Variants in C3orf33 observed in about 807,000 individuals in gnomAD.
C3orf33 encodes the protein AP-1 activity suppressor.
Under a neutral mutation model 28.7 loss-of-function variants are expected in C3orf33, and 23 were observed. The ratio of observed to expected loss-of-function variants is 0.80; its 90% confidence interval spans 0.58 to 1.13. The LOEUF is 1.13. C3orf33 is among the 50% of genes most tolerant of loss of function. The probability of loss-of-function intolerance (pLI) is 0.00; values close to 1 mark genes in which losing one functional copy is unlikely to be tolerated. For synonymous variants in C3orf33, 119 were observed against 120.5 expected (o/e 0.99, Z 0.08); for missense variants, 327 against 353.4 (o/e 0.93, Z 0.60).
Position 155,804,692 on chromosome 3 carries a change from G to T in C3orf33, c.114+1447C>A, listed in dbSNP as rs148594134. On this transcript the variant is annotated intron_variant, in intron 1 of 4. Transcript: ENST00000340171. ...TTGCTGACCTCCTCTTTACTCCCCAGATTCTCAATGTTATAATCCCCCAAA... is the reference window on the plus strand; with the variant it reads ...TTGCTGACCTCCTCTTTACTCCCCATATTCTCAATGTTATAATCCCCCAAA... Among the ~76,000 whole-genome samples the T allele has an allele frequency of 3.1e-3, 474 of 152,204 alleles. 1 individual carries two copies. Among genetic ancestry groups the T allele is most frequent in the Non-Finnish European group, 5.6e-3 (380 of 68,008 alleles).
At chr3:155,801,575 A>G (rs1751651642) in intron 2 of C3orf33, among the ~76,000 whole-genome samples, 1 of 152,276 alleles carries the variant, frequency 6.6e-6, no homozygotes, top group South Asian at 2.1e-4. Flanking sequence ...ATGCAACAAC[A>G]TGGATGAATC....
intron 2 of C3orf33, among the ~76,000 whole-genome samples, chr3:155,790,199 A>G (rs1283376508): frequency 6.7e-6 from 1 of 148,464 alleles, no homozygotes; most frequent in Non-Finnish European, 1.5e-5. Context: ...ATTGGTGCTG[A>G]GAAAACGGAA....
At chr3:155,771,489 C>T (rs1007137320) in intron 3 of C3orf33, among the ~76,000 whole-genome samples, 1 of 152,026 alleles carries the variant, frequency 6.6e-6, no homozygotes, top group African/African-American at 2.4e-5. Context: ...ACCATGTAGG[C>T]CAGGCTGGAC....
At chr3:155,786,531 G>A (rs969521563) in intron 2 of C3orf33, among the ~76,000 whole-genome samples, 4 of 151,998 alleles carry the variant, frequency 2.6e-5, no homozygotes, top group African/African-American at 9.7e-5. Flanking sequence ...TAAATTCATA[G>A]AAACAAAAAA....
chr3:155,769,163 T>C (rs1270543517), intron 3 of C3orf33, among the ~76,000 whole-genome samples: 3 of 151,764 alleles, frequency 2.0e-5, no homozygotes, highest in African/African-American at 7.3e-5. Context: ...AAATACGAAA[T>C]TAGCCAGGCA....
At chr3:155,786,973 C>A (rs1431983369) in intron 2 of C3orf33, among the ~76,000 whole-genome samples, 1 of 152,202 alleles carries the variant, frequency 6.6e-6, no homozygotes, top group Non-Finnish European at 1.5e-5. Context: ...GATCTGACAG[C>A]ATCACTGGTC....
rs114139999 is a variant in C3orf33 at position 155,798,128 on chromosome 3, A to G, written c.174+4404T>C. 2.6e-4 allele frequency among the ~76,000 whole-genome samples: 39 copies of G among 152,212 alleles called. No homozygotes were observed. In the East Asian group the frequency reaches 6.8e-3, roughly 26 times the overall value. ...AATGAAATAAATTGAAAAGGGTACA[A>G]ACAATGAGAAAATTTTCCATGTTCA... On this transcript the variant is annotated intron_variant, in intron 2 of 4. Transcript: ENST00000340171.
intron 2 of C3orf33, among the ~76,000 whole-genome samples, chr3:155,795,925 C>T (rs1751463329): frequency 6.6e-6 from 1 of 152,066 alleles, no homozygotes; most frequent in African/African-American, 2.4e-5. Context: ...CACTGCACTC[C>T]AGCCTGGGCA....
chr3:155,780,901 A>G lies in C3orf33; in HGVS notation c.175-5053T>C, dbSNP rs1301725743. The stretch of plus-strand genomic sequence containing the variant: ...TATTTGGAGCTACAAAAGGCATCCT[A>G]TGCAATAAGAAAAGTCCAAAAAACT... On this transcript the variant is annotated intron_variant, in intron 2 of 4. Transcript: ENST00000340171. Among the ~76,000 whole-genome samples the G allele has an allele frequency of 2.6e-5, 4 of 152,292 alleles. 1 individual carries two copies. In the South Asian group the frequency reaches 8.3e-4, roughly 32 times the overall value.
At chr3:155,769,486 A>C (rs1485037458) in intron 3 of C3orf33, among the ~76,000 whole-genome samples, 2 of 115,256 alleles carry the variant, frequency 1.7e-5, no homozygotes, top group Admixed American at 7.9e-5. Context: ...AGACTGTTTC[A>C]AAAAAAAAAA....
chr3:155,794,689 A>C (rs1028277143), intron 2 of C3orf33, among the ~76,000 whole-genome samples: 6 of 152,138 alleles, frequency 3.9e-5, no homozygotes, highest in African/African-American at 1.4e-4. Flanking sequence ...AAATAGAAAA[A>C]GATACTCCAT....
chr3:155,783,624 G>A lies in C3orf33; in HGVS notation c.175-7776C>T, dbSNP rs148785874. ...TGGGACTACAGGCACACGCTGCCAC[G>A]CCTGGCTAAGTTTTTGTATTGTAGT... is the stretch of plus-strand genomic sequence containing the variant. On this transcript the variant is annotated intron_variant, in intron 2 of 4. Transcript: ENST00000340171. 4.1e-3 allele frequency among the ~76,000 whole-genome samples: 621 copies of A among 151,956 alleles called. 5 individuals are homozygous for A. Among genetic ancestry groups the A allele is most frequent in the African/African-American group, 0.014 (571 of 41,464 alleles).
At chr3:155,766,022 A>G (rs1704154582) in intron 4 of C3orf33, among the ~76,000 whole-genome samples, 1 of 152,212 alleles carries the variant, frequency 6.6e-6, no homozygotes, top group Admixed American at 6.5e-5. Flanking sequence ...AATGGTTAAA[A>G]TTCTAATCAT....
chr3:155,797,614 G>T lies in C3orf33; in HGVS notation c.174+4918C>A, dbSNP rs138992341. The stretch of plus-strand genomic sequence containing the variant: ...ATAAATAAATTCAGTACAGTTGCAG[G>T]ATACAATATCAATATATAAAAATCA... On this transcript the variant is annotated intron_variant, in intron 2 of 4. Transcript: ENST00000340171. Among the ~76,000 whole-genome samples, 41 of 152,286 alleles carry T rather than the reference G, an allele frequency of 2.7e-4. 1 individual carries two copies. The East Asian group carries it at 7.5e-3, about 28-fold the overall frequency.
intron 4 of C3orf33, among the ~76,000 whole-genome samples, chr3:155,764,970 T>G (rs973525947): frequency 6.6e-6 from 1 of 152,206 alleles, no homozygotes; most frequent in African/African-American, 2.4e-5. Context: ...ATTGAGAAAT[T>G]TTTAGTACAT....
rs765199403 is a variant in C3orf33 at position 155,763,753 on chromosome 3, T to A, written c.649A>T (p.Lys217Ter). 1 of 1,606,118 alleles carries A rather than the reference T, an allele frequency of 6.2e-7. No individual in the cohort carries two copies. Among genetic ancestry groups the A allele is most frequent in the East Asian group, 2.2e-5 (1 of 44,746 alleles). The change falls in exon 5 of 5, where the codon AAG (lysine) becomes TAG (stop). Residue 217 changes from lysine (K) to a stop codon, truncating the protein, a stop_gained. Coordinates refer to ENST00000340171, the MANE Select transcript of C3orf33 (RefSeq NM_001308229.2). LOFTEE classifies it high-confidence loss of function. ...TALKKGEGIW[K>*]EDSEKESYLE... ...TAACTTTCTTTTTCAGAGTCTTCCTTCCATATTCCTTCTCCTTTTTTTAAG... is the reference window on the plus strand; with the variant it reads ...TAACTTTCTTTTTCAGAGTCTTCCTACCATATTCCTTCTCCTTTTTTTAAG...
rs527283408 is a variant in C3orf33, at chr3:155,802,586, G to A, written c.120C>T (p.Ile40=). The A allele has an allele frequency of 6.9e-6, 11 of 1,592,980 alleles. No homozygotes were observed. The East Asian group carries it at 2.5e-4, about 36-fold the overall frequency. Residue 40 remains isoleucine, a synonymous_variant, in exon 2 of 5, where the codon ATC becomes ATT. Transcript: ENST00000340171. ...ADDHLRLVRN[I]STGMAIAGIM... ...TTCCAGCTATGGCCATTCCAGTGCT[G>A]ATGTTCTACAGAAAGAGATTTAAGG...
At chr3:155,802,806 C>A (rs971172527) in intron 1 of C3orf33, among the ~76,000 whole-genome samples, 1 of 151,998 alleles carries the variant, frequency 6.6e-6, no homozygotes, top group Admixed American at 6.6e-5. Context: ...AATTCTTTCC[C>A]AATCTGGCAC....
Position 155,767,632 on chromosome 3 carries a change from TC to T in C3orf33, c.359del (p.Gly120GlufsTer2). On this transcript the variant is annotated frameshift_variant, in exon 4 of 5. Coordinates refer to ENST00000340171, the MANE Select transcript of C3orf33 (RefSeq NM_001308229.2). LOFTEE classifies it high-confidence loss of function. ...CCTTCCCAGTTTCAGCGAGTTCTAC[TC>T]CAGCCAACTTAACCAGCAAAGCACC... ...PRGALLVKLA[G>X]VELAETGKAW... The T allele has an allele frequency of 6.3e-7, 1 of 1,580,874 alleles. No individual in the cohort carries two copies. Among genetic ancestry groups the T allele is most frequent in the Non-Finnish European group, 8.6e-7 (1 of 1,159,874 alleles).
Sources: gnomAD v4.1 joint callset for allele counts (sites outside exome capture counted in the v4.1 genomes callset) on GRCh38, gnomAD v4.1.1 for gene constraint, MANE v1.5 for transcripts, NCBI Gene and HGNC (gene_info 2026-07-23, HGNC 2026-07-21) for gene names.